Variants in XIRP1 observed in about 807,000 individuals in gnomAD.
XIRP1 encodes the protein xin actin-binding repeat-containing protein 1.
For missense variants in XIRP1, 2,378 were observed against 2,345.4 expected, an observed-to-expected ratio of 1.01 and a Z score of -0.29; for synonymous variants, 984 against 947.0, an observed-to-expected ratio of 1.04 and a Z score of -0.72.
At position 39,184,170 on chromosome 3, in the gene XIRP1, G is replaced by A; in HGVS notation, c.5276C>T (p.Ser1759Leu). 1 of 1,614,074 alleles carries A rather than the reference G, an allele frequency of 6.2e-7. No homozygotes were observed. Among genetic ancestry groups the A allele is most frequent in the Non-Finnish European group, 8.5e-7 (1 of 1,179,976 alleles). ...GGTTCTCATGGCTCCATAGTGTTGT[G>A]AGCTCCCTGGCCCCGTCTGTAGCTC... ...VLELQTGPGS[S>L]QHYGAMRTVT... The change falls in exon 2 of 2, where the codon TCA becomes TTA. Residue 1759 changes from serine to leucine, a missense_variant. By Grantham distance (145) the Ser-to-Leu change is moderately radical. Transcript: ENST00000340369.
In XIRP1 at chr3:39,187,167, C is replaced by T; in HGVS notation, c.2279G>A (p.Gly760Asp). The T allele has an allele frequency of 6.2e-7, 1 of 1,606,388 alleles. No homozygotes were observed. Among genetic ancestry groups the T allele is most frequent in the Non-Finnish European group, 8.5e-7 (1 of 1,173,730 alleles). Residue 760 changes from glycine (G) to aspartate (D), a missense_variant, in exon 2 of 2, where the codon GGC becomes GAC. Gly to Asp is a moderately conservative substitution (Grantham distance 94). Transcript: ENST00000340369. ...LLEEQPMSPS[G>D]NRMQESQETA... Reference sequence around the variant, plus strand: ...CTCCTGGCTCTCTTGCATCCTGTTGCCTGAGGGGCTCATGGGCTGCTCTTC... The same window carrying T: ...CTCCTGGCTCTCTTGCATCCTGTTGTCTGAGGGGCTCATGGGCTGCTCTTC...
chr3:39,183,710 G>T lies in XIRP1; in HGVS notation c.*204C>A. The stretch of plus-strand genomic sequence containing the variant: ...ACCCCCACGCCTGTGCAACTCTGTG[G>T]GCCTCTTCCAGACCTTTCTTTTTCC... On this transcript the variant is annotated 3_prime_UTR_variant, in exon 2 of 2. Coordinates refer to ENST00000340369, the MANE Select transcript of XIRP1 (RefSeq NM_194293.4). 1 of 877,966 alleles carries T rather than the reference G, an allele frequency of 1.1e-6. No homozygotes were observed. The highest frequency in any genetic ancestry group is 1.7e-6 in the Non-Finnish European group (1 of 599,164). 54.4% of individuals were successfully genotyped at this position (877,966 alleles called of 1,614,324 possible). A position where few individuals can be genotyped will look rare whatever the true frequency, so the allele number is the denominator to read the frequency against.
At position 39,185,280 on chromosome 3, in the gene XIRP1, C is replaced by G. The variant is rs1437630247; in HGVS notation, c.4166G>C (p.Arg1389Thr). Residue 1389 changes from arginine (R) to threonine (T), a missense_variant, in exon 2 of 2, where the codon AGA (arginine) becomes ACA (threonine). Transcript: ENST00000340369. ...TVDQGHIPLA[R>T]CPSGHSQPSL... ...GGGCTGGCTATGTCCACTGGGACATCTGGCCAGAGGTATGTGGCCCTGGTC... is the reference window on the plus strand; with the variant it reads ...GGGCTGGCTATGTCCACTGGGACATGTGGCCAGAGGTATGTGGCCCTGGTC... The G allele has an allele frequency of 1.9e-6, 3 of 1,614,188 alleles. No homozygotes were observed. The highest frequency in any genetic ancestry group is 1.7e-5 in the Admixed American group (1 of 60,030).
Position 39,184,958 on chromosome 3 carries a change from C to A in XIRP1, c.4488G>T (p.Arg1496Ser), listed in dbSNP as rs766290856. The change falls in exon 2 of 2, where the codon AGG becomes AGT. Residue 1496 changes from arginine (R) to serine (S), a missense_variant. Arg to Ser is a moderately radical substitution (Grantham distance 110). Coordinates refer to ENST00000340369, the MANE Select transcript of XIRP1 (RefSeq NM_194293.4). ...CCAGCTGGGGCACGGCCTCAAAGAG[C>A]CTCCGCAGGGCCTGCACGTCCACAC... is the stretch of plus-strand genomic sequence containing the variant. ...ASSVDVQALR[R>S]LFEAVPQLGG... 1 of 1,549,144 alleles carries A rather than the reference C, an allele frequency of 6.5e-7. No homozygotes were observed. Among genetic ancestry groups the A allele is most frequent in the Admixed American group, 2.0e-5 (1 of 50,254 alleles).
chr3:39,188,524 G>T lies in XIRP1; in HGVS notation c.922C>A (p.Arg308Ser). 6.2e-7 allele frequency: 1 copy of T among 1,609,706 alleles called. No homozygotes were observed. The change falls in exon 2 of 2, where the codon CGC becomes AGC. Residue 308 changes from arginine to serine, a missense_variant. Transcript: ENST00000340369. ...AGGGGCTGTGTCTCAAAGATCCAGC[G>T]AGTTGCACTGACGTCGGGCCGGGCC... ...EGARPDVSAT[R>S]WIFETQPLDA...
Position 39,183,964 on chromosome 3 carries a change from CT to C in XIRP1, c.5481del (p.Ala1828LeufsTer105). On this transcript the variant is annotated frameshift_variant, in exon 2 of 2. Coordinates refer to ENST00000340369, the MANE Select transcript of XIRP1 (RefSeq NM_194293.4). LOFTEE classifies it high-confidence loss of function. The stretch of plus-strand genomic sequence containing the variant: ...CTGCAGGACACCTGCACCGTCTCAG[CT>C]TCTGTCAGGTCACTGCTGAACCCAG... ...SPAGFSSDLT[E>X]AETVQVSCSY... is the part of the protein sequence containing the mutation. The C allele has an allele frequency of 6.2e-7, 1 of 1,612,186 alleles. No individual in the cohort carries two copies. Among genetic ancestry groups the C allele is most frequent in the Non-Finnish European group, 8.5e-7 (1 of 1,179,920 alleles).
Position 39,184,172 on chromosome 3 carries a change from G to A in XIRP1, c.5274C>T (p.Ser1758=). 6.2e-7 allele frequency: 1 copy of A among 1,614,084 alleles called. No individual in the cohort carries two copies. Among genetic ancestry groups the A allele is most frequent in the Non-Finnish European group, 8.5e-7 (1 of 1,179,976 alleles). The change falls in exon 2 of 2, where the codon AGC becomes AGT. Residue 1758 remains serine, a synonymous_variant. Transcript: ENST00000340369. The stretch of plus-strand genomic sequence containing the variant: ...TTCTCATGGCTCCATAGTGTTGTGA[G>A]CTCCCTGGCCCCGTCTGTAGCTCCA... ...SVLELQTGPG[S]SQHYGAMRTV...
Position 39,185,054 on chromosome 3 carries a change from C to T in XIRP1, c.4392G>A (p.Leu1464=), listed in dbSNP as rs2039938812. ...HQGAPESPDS[L]QRNQKELQGL... Reference sequence around the variant, plus strand: ...CCTGGAGCTCTTTCTGGTTTCTTTGCAGACTGTCAGGGCTCTCAGGGGCCC... The same window carrying T: ...CCTGGAGCTCTTTCTGGTTTCTTTGTAGACTGTCAGGGCTCTCAGGGGCCC... Residue 1464 remains leucine, a synonymous_variant, in exon 2 of 2, where the codon CTG becomes CTA. Transcript: ENST00000340369. 2 of 1,521,992 alleles carry T rather than the reference C, an allele frequency of 1.3e-6. No individual in the cohort carries two copies. The highest frequency in any genetic ancestry group is 1.8e-6 in the Non-Finnish European group (2 of 1,138,558). 94.3% of individuals were successfully genotyped at this position (1,521,992 alleles called of 1,614,324 possible). A position where few individuals can be genotyped will look rare whatever the true frequency, so the allele number is the denominator to read the frequency against.
rs780477655 is a variant in XIRP1, at chr3:39,186,446, C to G, written c.3000G>C (p.Lys1000Asn). The G allele has an allele frequency of 1.2e-6, 2 of 1,614,206 alleles. No individual in the cohort carries two copies. The highest frequency in any genetic ancestry group is 3.3e-5 in the Admixed American group (2 of 60,024). Residue 1000 changes from lysine (K) to asparagine (N), a missense_variant, in exon 2 of 2, where the codon AAG (lysine) becomes AAC (asparagine). By Grantham distance (94) the Lys-to-Asn change is moderately conservative. Transcript: ENST00000340369. ...CAGCTTCCCCAGCCAGAGGGACTGC[C>G]TTTCCAATGGCCTGAGGAGGGCAAG... is the stretch of plus-strand genomic sequence containing the variant. ...ATPCPPQAIG[K>N]AVPLAGEAAA...
In XIRP1 at chr3:39,183,964, C is replaced by T. The variant is rs761221002; in HGVS notation, c.5482G>A (p.Ala1828Thr). The part of the protein sequence containing the change: ...PAGFSSDLTE[A>T]ETVQVSCSYS... ...CTGCAGGACACCTGCACCGTCTCAG[C>T]TTCTGTCAGGTCACTGCTGAACCCA... Residue 1828 changes from alanine to threonine, a missense_variant, in exon 2 of 2, where the codon GCT becomes ACT. Transcript: ENST00000340369. 11 of 1,612,186 alleles carry T rather than the reference C, an allele frequency of 6.8e-6. No homozygotes were observed. Among genetic ancestry groups the T allele is most frequent in the Non-Finnish European group, 9.3e-6 (11 of 1,179,920 alleles).
chr3:39,184,212 C>G lies in XIRP1; in HGVS notation c.5234G>C (p.Trp1745Ser), dbSNP rs1375518097. The G allele has an allele frequency of 1.2e-6, 2 of 1,614,074 alleles. No individual in the cohort carries two copies. The highest frequency in any genetic ancestry group is 4.5e-5 in the East Asian group (2 of 44,898). The change falls in exon 2 of 2, where the codon TGG becomes TCG. Residue 1745 changes from tryptophan (W) to serine (S), a missense_variant. By Grantham distance (177) the Trp-to-Ser change is radical. Coordinates refer to ENST00000340369, the MANE Select transcript of XIRP1 (RefSeq NM_194293.4). ...PPSASPLPRG[W>S]QKSVLELQTG... ...CTGTAGCTCCAGAACACTCTTTTGC[C>G]ACCCTCTGGGCAGGGGACTGGCTGA...
chr3:39,185,406 G>C lies in XIRP1; in HGVS notation c.4040C>G (p.Pro1347Arg). 1.2e-6 allele frequency: 2 copies of C among 1,613,930 alleles called. No homozygotes were observed. The highest frequency in any genetic ancestry group is 1.7e-6 in the Non-Finnish European group (2 of 1,179,850). The change falls in exon 2 of 2, where the codon CCT (proline) becomes CGT (arginine). Residue 1347 changes from proline to arginine, a missense_variant. Coordinates refer to ENST00000340369, the MANE Select transcript of XIRP1 (RefSeq NM_194293.4). Reference sequence around the variant, plus strand: ...CTCCGAGGAAAAGCTGGGAGATAGAGGCAAGGGCTTGGGCAGCCTCTGAGG... The same window carrying C: ...CTCCGAGGAAAAGCTGGGAGATAGACGCAAGGGCTTGGGCAGCCTCTGAGG... ...HPPQRLPKPL[P>R]LSPSFSSEVG... is the part of the protein sequence containing the mutation.
At position 39,189,064 on chromosome 3, in the gene XIRP1, G is replaced by A. The variant is rs201976223; in HGVS notation, c.382C>T (p.Arg128Cys). The A allele has an allele frequency of 1.4e-5, 22 of 1,614,154 alleles. No homozygotes were observed. Among genetic ancestry groups the A allele is most frequent in the Middle Eastern group, 1.6e-4 (1 of 6,062 alleles). ...VLCGDVQATSRKFEEGSFANS... is the reference protein window; with the variant it reads ...VLCGDVQATSCKFEEGSFANS... Reference sequence around the variant, plus strand: ...GCAAAGGAGCCTTCCTCAAACTTGCGGGAGGTGGCCTGGACGTCACCACAC... The same window carrying A: ...GCAAAGGAGCCTTCCTCAAACTTGCAGGAGGTGGCCTGGACGTCACCACAC... The change falls in exon 2 of 2, where the codon CGC becomes TGC. Residue 128 changes from arginine (R) to cysteine (C), a missense_variant. Coordinates refer to ENST00000340369, the MANE Select transcript of XIRP1 (RefSeq NM_194293.4).
chr3:39,189,224 G>C lies in XIRP1; in HGVS notation c.222C>G (p.Ala74=). ...ELRKNLAEAV[A]EDLAEVLGSE... ...AGCCCAGGACCTCAGCCAGATCCTC[G>C]GCCACAGCCTCAGCCAGATTCTTGC... Residue 74 remains alanine, a synonymous_variant, in exon 2 of 2, where the codon GCC becomes GCG. Transcript: ENST00000340369. 1 of 1,614,118 alleles carries C rather than the reference G, an allele frequency of 6.2e-7. No individual in the cohort carries two copies. Among genetic ancestry groups the C allele is most frequent in the Non-Finnish European group, 8.5e-7 (1 of 1,180,032 alleles).
In XIRP1 at chr3:39,188,548, C is replaced by T. The variant is rs935873352; in HGVS notation, c.898G>A (p.Ala300Thr). The change falls in exon 2 of 2, where the codon GCC (alanine) becomes ACC (threonine). Residue 300 changes from alanine to threonine, a missense_variant. Physicochemically the swap from Ala to Thr is moderately conservative, Grantham distance 58. Coordinates refer to ENST00000340369, the MANE Select transcript of XIRP1 (RefSeq NM_194293.4). ...VIRGISLEEG[A>T]RPDVSATRWI... ...CGAGTTGCACTGACGTCGGGCCGGG[C>T]CCCCTCCTCCAGGGAAATCCCCCGG... The T allele has an allele frequency of 6.2e-7, 1 of 1,611,508 alleles. No individual in the cohort carries two copies. The highest frequency in any genetic ancestry group is 1.1e-5 in the South Asian group (1 of 91,038).
chr3:39,190,429 G>A (rs1231246796), intron 1 of XIRP1, among the ~76,000 whole-genome samples: 1 of 152,116 alleles, frequency 6.6e-6, no homozygotes, highest in Middle Eastern at 3.2e-3. Flanking sequence ...CTATTCCCCA[G>A]CAGGCACCCC....
In XIRP1 at chr3:39,186,695, A is replaced by G. The variant is rs752867470; in HGVS notation, c.2751T>C (p.Thr917=). 34 of 1,613,756 alleles carry G rather than the reference A, an allele frequency of 2.1e-5. No homozygotes were observed. Among genetic ancestry groups the G allele is most frequent in the Non-Finnish European group, 2.5e-5 (30 of 1,180,022 alleles). Residue 917 remains threonine, a synonymous_variant, in exon 2 of 2, where the codon ACT becomes ACC. Transcript: ENST00000340369. ...LTAYSLQPRL[T]SKASERSSVQ... is the part of the protein sequence containing the mutation. ...CGCTGCTCCTCTCAGAGGCCTTGCT[A>G]GTTAGCCGGGGCTGCAGAGAGTAGG... is the stretch of plus-strand genomic sequence containing the variant.
At chr3:39,191,566 T>C (rs771054320) in intron 1 of XIRP1, among the ~76,000 whole-genome samples, 10 of 152,192 alleles carry the variant, frequency 6.6e-5, no homozygotes, top group South Asian at 6.2e-4. Flanking sequence ...GAAGCATGTC[T>C]CCTGACTCCT....
rs1294058094 is a variant in XIRP1 at position 39,187,197 on chromosome 3, A to T, written c.2249T>A (p.Leu750His). ...LAAESIQGGN[L>H]LEEQPMSPSG... ...GGGGCTCATGGGCTGCTCTTCCAGG[A>T]GGTTGCCCCCTTGGATGCTCTCAGC... Residue 750 changes from leucine to histidine, a missense_variant, in exon 2 of 2, where the codon CTC becomes CAC. Transcript: ENST00000340369. The T allele has an allele frequency of 2.5e-6, 4 of 1,595,386 alleles. No homozygotes were observed. In the South Asian group the frequency reaches 3.3e-5, roughly 13 times the overall value.
Sources: allele counts gnomAD v4.1 joint callset (sites outside exome capture counted in the v4.1 genomes callset), GRCh38; gene constraint gnomAD v4.1.1; transcripts MANE v1.5; gene names NCBI Gene and HGNC (gene_info 2026-07-23, HGNC 2026-07-21).